Variants in CTIF observed in about 807,000 individuals in gnomAD.
The protein encoded by CTIF is cap binding complex dependent translation initiation factor.
Under a neutral mutation model 66.0 loss-of-function variants are expected in CTIF, and 21 were observed. The ratio of observed to expected loss-of-function variants is 0.32; its 90% CI spans 0.23 to 0.46. The LOEUF is 0.46. Ranked by LOEUF, CTIF falls within the 20% of genes least tolerant of loss-of-function variation. The pLI is 1.00. For synonymous variants in CTIF, 345 were observed against 326.4 expected, an observed-to-expected ratio of 1.06 and a Z score of -0.62; for missense variants, 739 against 812.7, an observed-to-expected ratio of 0.91 and a Z score of 1.10.
intron 9 of CTIF, among the ~76,000 whole-genome samples, chr18:48,799,184 G>A (rs2067997400): frequency 6.6e-6 from 1 of 152,178 alleles, no homozygotes; most frequent in African/African-American, 2.4e-5. Flanking sequence ...TGTGGTCTCT[G>A]GCCATAAAGA....
chr18:48,734,805 G>C (rs2092485803), intron 7 of CTIF, among the ~76,000 whole-genome samples: 1 of 152,186 alleles, frequency 6.6e-6, no homozygotes, highest in African/African-American at 2.4e-5. Flanking sequence ...AGGAAGGGAG[G>C]CTCTGTGAAT....
chr18:48,549,012 A>G (rs992541482), intron 1 of CTIF, among the ~76,000 whole-genome samples: 3 of 151,996 alleles, frequency 2.0e-5, no homozygotes, highest in Non-Finnish European at 2.9e-5. Context: ...ATGGATAATC[A>G]TGCTGGGACA....
At position 48,626,656 on chromosome 18, in the gene CTIF, G is replaced by GTT. The variant is rs61179877; in HGVS notation, c.180+6926_180+6927dup. ...CACCGCACCTGGCCGTTTTTTTTTT[G>GTT]TTTTTTTTTTTTTTTTGAGACAAAG... On this transcript the variant is annotated intron_variant, in intron 2 of 11. Coordinates refer to ENST00000256413, the MANE Select transcript of CTIF (RefSeq NM_014772.3). Among the ~76,000 whole-genome samples, 170 of 108,044 alleles carry GTT rather than the reference G, an allele frequency of 1.6e-3. 4 individuals carry two copies. The highest frequency in any genetic ancestry group is 5.1e-3 in the African/African-American group (140 of 27,428). The allele number at this position is 108,044 out of a possible 152,430, so 70.9% of individuals were successfully genotyped here.
At chr18:48,792,067 G>C (rs2067804608) in intron 9 of CTIF, among the ~76,000 whole-genome samples, 1 of 152,222 alleles carries the variant, frequency 6.6e-6, no homozygotes, top group African/African-American at 2.4e-5. Flanking sequence ...CAAAGCAACA[G>C]ATCTGCAAAT....
At chr18:48,597,302 C>T (rs1019459358) in intron 1 of CTIF, among the ~76,000 whole-genome samples, 1 of 152,206 alleles carries the variant, frequency 6.6e-6, no homozygotes. Context: ...AGTCAGCTAA[C>T]AGTCACCAGA....
intron 1 of CTIF, among the ~76,000 whole-genome samples, chr18:48,545,492 G>T (rs2088724513): frequency 1.3e-5 from 2 of 152,188 alleles, no homozygotes; most frequent in African/African-American, 4.8e-5. Flanking sequence ...TGGGAGTAAA[G>T]TCCGCAGTGA....
chr18:48,666,616 G>A (rs756352484), intron 5 of CTIF, among the ~76,000 whole-genome samples: 8 of 152,198 alleles, frequency 5.3e-5, no homozygotes, highest in Non-Finnish European at 1.2e-4. Flanking sequence ...CCTCTCACAC[G>A]CCTCTTTTTC....
At chr18:48,707,403 A>G (rs1394061661) in intron 6 of CTIF, among the ~76,000 whole-genome samples, 2 of 152,188 alleles carry the variant, frequency 1.3e-5, no homozygotes, top group Non-Finnish European at 1.5e-5. Context: ...ATTGGGTGCC[A>G]CTTGTCTTGG....
chr18:48,632,655 C>T (rs551512994), intron 2 of CTIF, among the ~76,000 whole-genome samples: 1 of 152,306 alleles, frequency 6.6e-6, no homozygotes, highest in South Asian at 2.1e-4. Flanking sequence ...GCCATCTGCC[C>T]TAAGCTGGCC....
At chr18:48,570,599 G>C (rs2089394480) in intron 1 of CTIF, among the ~76,000 whole-genome samples, 1 of 152,238 alleles carries the variant, frequency 6.6e-6, no homozygotes, top group South Asian at 2.1e-4. Context: ...GGGGGGAGCA[G>C]TGGTGCCTGG....
chr18:48,557,725 C>T (rs1023777206), intron 1 of CTIF, among the ~76,000 whole-genome samples: 1 of 152,232 alleles, frequency 6.6e-6, no homozygotes, highest in Non-Finnish European at 1.5e-5. Flanking sequence ...GCTGGAAGTC[C>T]AAGATCACAG....
At chr18:48,603,315 G>T (rs2090134396) in intron 1 of CTIF, among the ~76,000 whole-genome samples, 1 of 150,172 alleles carries the variant, frequency 6.7e-6, no homozygotes, top group Admixed American at 6.6e-5. Flanking sequence ...GTAGATGGAT[G>T]GTTGGATGGA....
intron 3 of CTIF, among the ~76,000 whole-genome samples, chr18:48,651,203 T>C (rs1259201414): frequency 6.6e-6 from 1 of 152,074 alleles, no homozygotes; most frequent in Non-Finnish European, 1.5e-5. Flanking sequence ...GACTGGCAAA[T>C]TGGATAAAGA....
chr18:48,740,948 T>G (rs953975585), intron 7 of CTIF, among the ~76,000 whole-genome samples: 1 of 152,108 alleles, frequency 6.6e-6, no homozygotes, highest in Non-Finnish European at 1.5e-5. Flanking sequence ...GCTTCCAGCT[T>G]TCTAGCTGTG....
chr18:48,674,963 G>A (rs986631112), intron 6 of CTIF, among the ~76,000 whole-genome samples: 1 of 151,886 alleles, frequency 6.6e-6, no homozygotes, highest in African/African-American at 2.4e-5. Flanking sequence ...CATCCACACC[G>A]AGGCATGACA....
chr18:48,731,849 A>G (rs1294575167), intron 7 of CTIF, among the ~76,000 whole-genome samples: 1 of 152,246 alleles, frequency 6.6e-6, no homozygotes, highest in Admixed American at 6.5e-5. Flanking sequence ...GGACCAGAGA[A>G]TAAATCTTTC....
chr18:48,817,769 G>C (rs533888838), intron 10 of CTIF, among the ~76,000 whole-genome samples: 107 of 136,024 alleles, frequency 7.9e-4, no homozygotes, highest in Non-Finnish European at 1.3e-3. Context: ...AGCGAGACTC[G>C]GTCTCCAAAA....
At position 48,636,704 on chromosome 18, in the gene CTIF, G is replaced by C; in HGVS notation, c.252+19G>C. 6.3e-7 allele frequency: 1 copy of C among 1,575,396 alleles called. No individual in the cohort carries two copies. The highest frequency in any genetic ancestry group is 8.6e-7 in the Non-Finnish European group (1 of 1,163,226). On this transcript the variant is annotated intron_variant, in intron 3 of 11. Coordinates refer to ENST00000256413, the MANE Select transcript of CTIF (RefSeq NM_014772.3). ...ACAGCAGGTAGGGAACCAGCTCTGC[G>C]CTCTGTCTGGGGGTGTCCTATGTCT...
rs556074050 is a variant in CTIF at position 48,679,056 on chromosome 18, A to G, written c.507+8312A>G. Among the ~76,000 whole-genome samples, 8 of 152,368 alleles carry G rather than the reference A, an allele frequency of 5.3e-5. No individual in the cohort carries two copies. The South Asian group carries it at 1.2e-3, about 24-fold the overall frequency. On this transcript the variant is annotated intron_variant, in intron 6 of 11. Transcript: ENST00000256413. Reference sequence around the variant, plus strand: ...AAATATTGACTCTCTGGCTTTTTACAGAAAAAGTTTGCCAAACACTGATCT... The same window carrying G: ...AAATATTGACTCTCTGGCTTTTTACGGAAAAAGTTTGCCAAACACTGATCT...
Sources: gnomAD v4.1 joint callset for allele counts (sites outside exome capture counted in the v4.1 genomes callset) on GRCh38, gnomAD v4.1.1 for gene constraint, MANE v1.5 for transcripts, NCBI Gene and HGNC (gene_info 2026-07-23, HGNC 2026-07-21) for gene names.